The following C6 variants were observed in gnomAD, a reference collection of about 807,000 sequenced individuals.
C6 encodes complement component C6.
In C6, 101 loss-of-function variants were observed where a neutral mutation model predicts 112.9. The observed-to-expected ratio is 0.89, with a 90% CI of 0.76 to 1.06. The LOEUF (loss-of-function observed/expected upper bound fraction) is 1.06. Among genes scored for constraint, C6 ranks in the 50% least tolerant of loss-of-function variants. C6 has a pLI of 0.00. For synonymous variants in C6, 431 were observed against 384.1 expected (o/e 1.12, Z -1.43); for missense variants, 1,202 against 1,104.6 (o/e 1.09, Z -1.25).
At position 41,257,614 on chromosome 5, in the gene C6, T is replaced by C. The variant is rs1397057539; in HGVS notation, c.-21+3580A>G. On this transcript the variant is annotated intron_variant, in intron 1 of 17. Transcript: ENST00000263413. Reference sequence around the variant, plus strand: ...GGAGTAGGCTTCAGGCTTCTTTAGCTTTAAGGAAGGGTTACCACTATGAAA... The same window carrying C: ...GGAGTAGGCTTCAGGCTTCTTTAGCCTTAAGGAAGGGTTACCACTATGAAA... 2.0e-5 allele frequency among the ~76,000 whole-genome samples: 3 copies of C among 152,298 alleles called. No homozygotes were observed. The South Asian group carries it at 6.2e-4, about 32-fold the overall frequency.
intron 1 of C6, among the ~76,000 whole-genome samples, chr5:41,232,191 T>C (rs549088644): frequency 6.6e-5 from 10 of 152,238 alleles, no homozygotes; most frequent in Non-Finnish European, 4.4e-5. Context: ...TATTTGAACA[T>C]AAAAAGCTGA....
chr5:41,222,174 A>T (rs1245347608), intron 1 of C6, among the ~76,000 whole-genome samples: 2 of 151,640 alleles, frequency 1.3e-5, no homozygotes, highest in Non-Finnish European at 2.9e-5. Context: ...TCAAAAAAAA[A>T]AAACAAAAAA....
chr5:41,176,376 A>T (rs1254604118), intron 8 of C6, 99 bp downstream of exon 8: 1 of 1,237,126 alleles, frequency 8.1e-7, no homozygotes, highest in Non-Finnish European at 1.2e-6. Context: ...GCAGGATCTA[A>T]ATAAAGTCAA....
chr5:41,158,838 CAT>C, intron 12 of C6, 53 bp from the exon 13 acceptor site: 1 of 1,078,444 alleles, frequency 9.3e-7, no homozygotes, highest in African/African-American at 1.5e-5. Context: ...CACACATTTA[CAT>C]GTGTGTATAT....
intron 9 of C6, among the ~76,000 whole-genome samples, chr5:41,163,041 C>T (rs1179607824): frequency 1.3e-5 from 2 of 151,848 alleles, no homozygotes; most frequent in Non-Finnish European, 2.9e-5. Flanking sequence ...GGCATGGGAT[C>T]CTGAAGAAAG....
intron 1 of C6, among the ~76,000 whole-genome samples, chr5:41,220,099 A>T (rs16871031): frequency 0.077 from 11,724 of 152,236 alleles, 750 homozygotes; most frequent in African/African-American, 0.17. Flanking sequence ...CAGTAACAAA[A>T]TGTCAACATC....
chr5:41,180,570 T>A (rs567493665), intron 7 of C6, among the ~76,000 whole-genome samples: 2 of 152,192 alleles, frequency 1.3e-5, no homozygotes, highest in East Asian at 3.9e-4. Context: ...GTCCAATACT[T>A]AGACATACCC....
At chr5:41,216,599 C>T (rs1030798697), upstream of C6, among the ~76,000 whole-genome samples, 1 of 152,138 alleles carries the variant, frequency 6.6e-6, no homozygotes, top group African/African-American at 2.4e-5. Context: ...CTCCTCCTAT[C>T]CTTTTAGATG....
intron 6 of C6, among the ~76,000 whole-genome samples, 153 bp downstream of exon 6, chr5:41,185,917 G>A (rs1749730177): frequency 1.3e-5 from 2 of 152,140 alleles, no homozygotes. Flanking sequence ...GCCTCATTGT[G>A]TGTGCATGGA....
At chr5:41,213,561 A>G, upstream of C6, 6 of 985,272 alleles carry the variant, frequency 6.1e-6, no homozygotes, top group Non-Finnish European at 7.2e-6. Flanking sequence ...GTCAAAATAA[A>G]TGTTCTCTGG....
intron 12 of C6, 125 bp from the exon 13 acceptor site, chr5:41,158,910 C>T (rs1747193899): frequency 1.9e-6 from 2 of 1,032,176 alleles, no homozygotes; most frequent in Admixed American, 3.7e-5. Flanking sequence ...GAAAACATTA[C>T]ACACAGAAAA....
At chr5:41,150,059 G>T in intron 15 of C6, 34 bp from the exon 16 acceptor site, 3 of 1,290,282 alleles carry the variant, frequency 2.3e-6, no homozygotes, top group Non-Finnish European at 3.4e-6. Flanking sequence ...AAAGAACAGT[G>T]CACAGCATGG....
At chr5:41,210,496 A>G (rs1751823311) in intron 1 of C6, among the ~76,000 whole-genome samples, 1 of 152,252 alleles carries the variant, frequency 6.6e-6, no homozygotes, top group Admixed American at 6.5e-5. Flanking sequence ...TCCAGAATCT[A>G]CAAAGAACTC....
chr5:41,243,198 C>G lies in C6; in HGVS notation c.-21+17996G>C, dbSNP rs570925357. Among the ~76,000 whole-genome samples, 143 of 152,298 alleles carry G rather than the reference C, an allele frequency of 9.4e-4. 3 individuals carry two copies. The South Asian group carries it at 0.029, about 30-fold the overall frequency. On this transcript the variant is annotated intron_variant, in intron 1 of 17. Transcript: ENST00000263413. The stretch of plus-strand genomic sequence containing the variant: ...ACTATTTGAGATGATGACATGTCAA[C>G]TAGATTGATTAACTAGGTTGATTTA...
chr5:41,227,406 T>A (rs1436283879), intron 1 of C6, among the ~76,000 whole-genome samples: 1 of 152,146 alleles, frequency 6.6e-6, no homozygotes, highest in Non-Finnish European at 1.5e-5. Context: ...CCGTAGGTTG[T>A]CTGTTCACTC....
At chr5:41,202,409 A>G (rs1490257596) in intron 2 of C6, among the ~76,000 whole-genome samples, 1 of 152,158 alleles carries the variant, frequency 6.6e-6, no homozygotes, top group East Asian at 1.9e-4. Context: ...TATATAGTAG[A>G]TGGTTTATTG....
chr5:41,205,604 C>G (rs767657076), intron 1 of C6, among the ~76,000 whole-genome samples: 1 of 152,196 alleles, frequency 6.6e-6, no homozygotes, highest in Non-Finnish European at 1.5e-5. Flanking sequence ...GTCCCACACC[C>G]GCAGAGCCTC....
chr5:41,208,928 T>C (rs1751667003), intron 1 of C6, among the ~76,000 whole-genome samples: 1 of 152,010 alleles, frequency 6.6e-6, no homozygotes, highest in Non-Finnish European at 1.5e-5. Flanking sequence ...AAAAAGAGAA[T>C]TTTAGACCAA....
chr5:41,199,739 G>A, intron 4 of C6, 29 bp downstream of exon 4: 1 of 1,608,196 alleles, frequency 6.2e-7, no homozygotes, highest in South Asian at 1.1e-5. Flanking sequence ...TTTTTAGTGG[G>A]GACTGAACAT....
Sources: allele counts gnomAD v4.1 joint callset (sites outside exome capture counted in the v4.1 genomes callset), GRCh38; gene constraint gnomAD v4.1.1; transcripts MANE v1.5; gene names NCBI Gene and HGNC (gene_info 2026-07-23, HGNC 2026-07-21).